Variants in RPL37 observed in about 807,000 individuals in gnomAD.
The protein encoded by RPL37 is large ribosomal subunit protein eL37.
RPL37 carries 1 observed loss-of-function variant against 14.8 expected under a neutral mutation model. The ratio of observed to expected loss-of-function variants is 0.07; its 90% confidence interval spans 0.02 to 0.32. The LOEUF (loss-of-function observed/expected upper bound fraction) is 0.32, where lower values mean the gene tolerates loss of function less well. RPL37 is among the 10% of genes least tolerant of loss of function. The pLI is 1.00. For missense variants in RPL37, 100 were observed against 128.3 expected (o/e 0.78, Z 1.06); for synonymous variants, 53 against 45.8 (o/e 1.16, Z -0.63).
At chr5:40,834,430 A>G (rs1245707561) in intron 2 of RPL37, 41 bp downstream of exon 2, 3 of 1,602,762 alleles carry the variant, frequency 1.9e-6, no homozygotes, top group East Asian at 4.5e-5. Flanking sequence ...AGTGCAATAC[A>G]AACAAAAGCT....
chr5:40,834,104 G>C, intron 3 of RPL37, 77 bp downstream of exon 3: 1 of 1,024,272 alleles, frequency 9.8e-7, no homozygotes, highest in East Asian at 2.4e-5. Flanking sequence ...TCAGGGTACT[G>C]TTATCTTTTT....
At chr5:40,834,709 A>C in intron 1 of RPL37, 103 bp from the exon 2 acceptor site, 2 of 1,312,880 alleles carry the variant, frequency 1.5e-6, no homozygotes, top group Admixed American at 4.7e-5. Context: ...GCAATCGTAA[A>C]GATCGAAACT....
rs1182872205 is a variant in RPL37, at chr5:40,826,041, C to T, written c.*6463G>A. 1 of 152,208 alleles carries T rather than the reference C, an allele frequency of 6.6e-6. No homozygotes were observed. Among genetic ancestry groups the T allele is most frequent in the African/African-American group, 2.4e-5 (1 of 41,450 alleles). 9.4% of individuals were successfully genotyped at this position (152,208 alleles called of 1,614,324 possible). On this transcript the variant is annotated 3_prime_UTR_variant, in exon 4 of 4. Coordinates refer to ENST00000274242, the MANE Select transcript of RPL37 (RefSeq NM_000997.5). ...AGTCAATTCTAAACAACTGTCCTCA[C>T]TTGAGGAAGCTGGCCTTTCTCCTGT...
chr5:40,829,950 T>C lies in RPL37; in HGVS notation c.*2554A>G, dbSNP rs1029613421. ...TTGGCCTCCCAAAGTGCTGCGACTA[T>C]AGGACGTGAGCTACCGTACCCGGCC... On this transcript the variant is annotated 3_prime_UTR_variant, in exon 4 of 4. Transcript: ENST00000274242. The C allele has an allele frequency of 2.6e-5, 4 of 152,056 alleles. No homozygotes were observed. The East Asian group carries it at 7.7e-4, about 29-fold the overall frequency. 9.4% of individuals were successfully genotyped at this position (152,056 alleles called of 1,614,324 possible). A position where few individuals can be genotyped will look rare whatever the true frequency, so the allele number is the denominator to read the frequency against.
Position 40,825,440 on chromosome 5 carries a change from T to A in RPL37, c.*7064A>T, listed in dbSNP as rs1306210047. ...TCTAAAAGCATTGTGCTGTGCTGCC[T>A]CACAGGGGTACGTTCCCAGAGGTTT... On this transcript the variant is annotated 3_prime_UTR_variant, in exon 4 of 4. Transcript: ENST00000274242. 1 of 152,224 alleles carries A rather than the reference T, an allele frequency of 6.6e-6. No homozygotes were observed. Among genetic ancestry groups the A allele is most frequent in the Non-Finnish European group, 1.5e-5 (1 of 68,032 alleles). 9.4% of individuals were successfully genotyped at this position (152,224 alleles called of 1,614,324 possible). A position where few individuals can be genotyped will look rare whatever the true frequency, so the allele number is the denominator to read the frequency against.
rs993603594 is a variant in RPL37 at position 40,828,025 on chromosome 5, T to C, written c.*4479A>G. On this transcript the variant is annotated 3_prime_UTR_variant, in exon 4 of 4. Coordinates refer to ENST00000274242, the MANE Select transcript of RPL37 (RefSeq NM_000997.5). The stretch of plus-strand genomic sequence containing the variant: ...ATAAATGTGAAACAGCCTCTTTCTC[T>C]GAAACAAGTTCTTCAGTAAAATAAT... 1.3e-5 allele frequency: 2 copies of C among 152,268 alleles called. No individual in the cohort carries two copies. The highest frequency in any genetic ancestry group is 4.8e-5 in the African/African-American group (2 of 41,476). The allele number at this position is 152,268 out of a possible 1,614,324, so 9.4% of individuals were successfully genotyped here. A position where few individuals can be genotyped will look rare whatever the true frequency, so the allele number is the denominator to read the frequency against.
chr5:40,834,551 C>T lies in RPL37; in HGVS notation c.59G>A (p.Arg20His). 6.2e-7 allele frequency: 1 copy of T among 1,614,118 alleles called. No homozygotes were observed. ...GTGGTAGGCCTTAGAGCCACAGCGGCGGCACAACGTGTGCGTCTTATTGCG... is the reference window on the plus strand; with the variant it reads ...GTGGTAGGCCTTAGAGCCACAGCGGTGGCACAACGTGTGCGTCTTATTGCG... Reference protein sequence around the residue: ...KRRNKTHTLCRRCGSKAYHLQ... With the variant: ...KRRNKTHTLCHRCGSKAYHLQ... Residue 20 changes from arginine (R) to histidine (H), a missense_variant, in exon 2 of 4, where the codon CGC becomes CAC. By Grantham distance (29) the Arg-to-His change is conservative. Transcript: ENST00000274242.
At chr5:40,833,935 T>G (rs1745699389) in intron 3 of RPL37, 3 of 493,454 alleles carry the variant, frequency 6.1e-6, no homozygotes, top group Non-Finnish European at 7.3e-6. Context: ...TAGTCCCGGG[T>G]ACTCGGGCGG....
chr5:40,829,882 T>G lies in RPL37; in HGVS notation c.*2622A>C, dbSNP rs1183708615. 1.3e-5 allele frequency: 2 copies of G among 151,682 alleles called. No homozygotes were observed. Among genetic ancestry groups the G allele is most frequent in the African/African-American group, 4.8e-5 (2 of 41,244 alleles). 9.4% of individuals were successfully genotyped at this position (151,682 alleles called of 1,614,324 possible). ...TAGAGACGGGGTTTCTCCATGTTGG[T>G]CAGGCTGGTCTCGAACTCCCCACCT... On this transcript the variant is annotated 3_prime_UTR_variant, in exon 4 of 4. Coordinates refer to ENST00000274242, the MANE Select transcript of RPL37 (RefSeq NM_000997.5).
chr5:40,834,699 G>T, intron 1 of RPL37, 93 bp from the exon 2 acceptor site: 1 of 1,419,466 alleles, frequency 7.0e-7, no homozygotes, highest in Non-Finnish European at 9.5e-7. Flanking sequence ...AAATTTAAAG[G>T]CAATCGTAAA....
intron 2 of RPL37, 24 bp downstream of exon 2, chr5:40,834,447 G>A: frequency 6.2e-7 from 1 of 1,608,012 alleles, no homozygotes; most frequent in South Asian, 1.1e-5. Flanking sequence ...AGCTAACACA[G>A]TTGGCCTGAA....
intron 3 of RPL37, among the ~76,000 whole-genome samples, chr5:40,833,285 T>C (rs1388327515): frequency 6.6e-6 from 1 of 152,226 alleles, no homozygotes; most frequent in African/African-American, 2.4e-5. Context: ...TATTCAATTT[T>C]GCACTGGACA....
At chr5:40,833,724 T>C (rs1044122126) in intron 3 of RPL37, among the ~76,000 whole-genome samples, 3 of 152,202 alleles carry the variant, frequency 2.0e-5, no homozygotes, top group African/African-American at 7.2e-5. Context: ...GCTCCTGTTA[T>C]TTAATTTATA....
chr5:40,833,896 T>A (rs1745698412), intron 3 of RPL37: 1 of 355,478 alleles, frequency 2.8e-6, no homozygotes, highest in East Asian at 6.2e-5. Context: ...AATACAAAAA[T>A]TAGCTGGGCA....
Position 40,828,658 on chromosome 5 carries a change from A to T in RPL37, c.*3846T>A, listed in dbSNP as rs1745570181. On this transcript the variant is annotated 3_prime_UTR_variant, in exon 4 of 4. Coordinates refer to ENST00000274242, the MANE Select transcript of RPL37 (RefSeq NM_000997.5). ...TAGCCTAAATTTTGCCAAATCCAGA[A>T]TTTTAAAATATATCTTCATTCTCTT... The T allele has an allele frequency of 6.6e-6, 1 of 152,192 alleles. No homozygotes were observed. The highest frequency in any genetic ancestry group is 2.4e-5 in the African/African-American group (1 of 41,454). The allele number at this position is 152,192 out of a possible 1,614,324, so 9.4% of individuals were successfully genotyped here. A position where few individuals can be genotyped will look rare whatever the true frequency, so the allele number is the denominator to read the frequency against.
rs1745659314 is a variant in RPL37 at position 40,832,339 on chromosome 5, A to G, written c.*165T>C. 1.4e-6 allele frequency: 1 copy of G among 697,184 alleles called. No homozygotes were observed. The highest frequency in any genetic ancestry group is 4.2e-4 in the Middle Eastern group (1 of 2,362). 43.2% of individuals were successfully genotyped at this position (697,184 alleles called of 1,614,324 possible). Reference sequence around the variant, plus strand: ...AACCCAGTCCAAAAGTAAACATTCCAAAACAGTCACTTAACAAGTAAATCT... The same window carrying G: ...AACCCAGTCCAAAAGTAAACATTCCGAAACAGTCACTTAACAAGTAAATCT... On this transcript the variant is annotated 3_prime_UTR_variant, in exon 4 of 4. Transcript: ENST00000274242.
At chr5:40,834,353 A>C in intron 2 of RPL37, 88 bp from the exon 3 acceptor site, 1 of 1,555,794 alleles carries the variant, frequency 6.4e-7, no homozygotes, top group Non-Finnish European at 8.8e-7. Context: ...ATGCCACCTC[A>C]TCGGCATACA....
In RPL37 at chr5:40,834,316, T is replaced by C. The variant is rs773202832; in HGVS notation, c.140-51A>G. On this transcript the variant is annotated intron_variant, in intron 2 of 3. Coordinates refer to ENST00000274242, the MANE Select transcript of RPL37 (RefSeq NM_000997.5). Reference sequence around the variant, plus strand: ...TCAAACGGTGTTCTCCCACACACCTTGTAGGTGTTGTTAACACACGAGTTT... The same window carrying C: ...TCAAACGGTGTTCTCCCACACACCTCGTAGGTGTTGTTAACACACGAGTTT... The C allele has an allele frequency of 1.7e-5, 27 of 1,558,858 alleles. 2 individuals carry two copies. Among genetic ancestry groups the C allele is most frequent in the East Asian group, 1.1e-4 (5 of 44,606 alleles).
intron 3 of RPL37, 158 bp downstream of exon 3, chr5:40,834,023 C>T: frequency 1.6e-6 from 1 of 626,100 alleles, no homozygotes; most frequent in Non-Finnish European, 2.8e-6. Flanking sequence ...CAAGCCTGGG[C>T]AACATAGTGA....
Sources: allele counts gnomAD v4.1 joint callset (sites outside exome capture counted in the v4.1 genomes callset), GRCh38; gene constraint gnomAD v4.1.1; transcripts MANE v1.5; gene names NCBI Gene and HGNC (gene_info 2026-07-23, HGNC 2026-07-21).